The following PHRF1 variants were observed in gnomAD, a reference collection of about 807,000 sequenced individuals.
PHRF1 encodes the protein PHD and RING finger domain-containing protein 1.
Under a neutral mutation model 128.9 loss-of-function variants are expected in PHRF1, and 53 were observed. The ratio of observed to expected loss-of-function variants is 0.41; its 90% CI spans 0.33 to 0.52. The LOEUF is 0.52. PHRF1 is among the 20% of genes least tolerant of loss of function. The probability of loss-of-function intolerance (pLI) is 0.21; values close to 1 mark genes in which losing one functional copy is unlikely to be tolerated. For synonymous variants in PHRF1, 1,178 were observed against 980.6 expected (o/e 1.20, Z -3.76); for missense variants, 2,503 against 2,284.5 (o/e 1.10, Z -1.95).
Position 610,533 on chromosome 11 carries a change from C to G in PHRF1, c.4449C>G (p.Ala1483=). 1.9e-6 allele frequency: 3 copies of G among 1,605,430 alleles called. No individual in the cohort carries two copies. Among genetic ancestry groups the G allele is most frequent in the Non-Finnish European group, 2.5e-6 (3 of 1,179,426 alleles). The change falls in exon 16 of 18, where the codon GCC becomes GCG. Residue 1483 remains alanine, a synonymous_variant. Coordinates refer to ENST00000264555, the MANE Select transcript of PHRF1 (RefSeq NM_001286581.2). ...GCCCCGGCCTGCCGCCTGCCCCGGC[C>G]CAGCCCTCAAGCATCCCACCCTGCG... is the stretch of plus-strand genomic sequence containing the variant. The part of the protein sequence containing the change: ...VYSPGLPPAP[A]QPSSIPPCAL...
At position 608,801 on chromosome 11, in the gene PHRF1, G is replaced by C. The variant is rs772718188; in HGVS notation, c.3345G>C (p.Ala1115=). Residue 1115 remains alanine (A), a synonymous_variant, in exon 14 of 18, where the codon GCG becomes GCC. Transcript: ENST00000264555. ...GGAAGAAGAAGAAAAGGAGATCAGC[G>C]TCCAGACCTCGGGGAAGGGAGTGCT... ...ESRKKKKRRS[A]SRPRGRECSP... The C allele has an allele frequency of 6.2e-7, 1 of 1,611,910 alleles. No individual in the cohort carries two copies. Among genetic ancestry groups the C allele is most frequent in the Non-Finnish European group, 8.5e-7 (1 of 1,179,766 alleles).
chr11:582,201 A>G, intron 3 of PHRF1, 120 bp downstream of exon 3: 3 of 1,449,486 alleles, frequency 2.1e-6, no homozygotes, highest in South Asian at 1.3e-5. Flanking sequence ...CCCTGCGGTC[A>G]CCTACGGTGA....
At chr11:601,249 G>C (rs537319766) in intron 9 of PHRF1, among the ~76,000 whole-genome samples, 1 of 151,666 alleles carries the variant, frequency 6.6e-6, no homozygotes, top group Admixed American at 6.6e-5. Context: ...GCCAGCCTGG[G>C]CAACATGATA....
Position 610,913 on chromosome 11 carries a change from C to T in PHRF1, c.4678-41C>T, listed in dbSNP as rs370059231. 38 of 1,604,660 alleles carry T rather than the reference C, an allele frequency of 2.4e-5. No homozygotes were observed. The Middle Eastern group carries it at 5.0e-4, about 21-fold the overall frequency. On this transcript the variant is annotated intron_variant, in intron 16 of 17. Transcript: ENST00000264555. ...CAGTGCCTCTGGCCAGAGGGACTCCCGGCTCCCTTCCTGGCCGCATCACAC... is the reference window on the plus strand; with the variant it reads ...CAGTGCCTCTGGCCAGAGGGACTCCTGGCTCCCTTCCTGGCCGCATCACAC...
rs757190411 is a variant in PHRF1 at position 608,907 on chromosome 11, A to G, written c.3451A>G (p.Ser1151Gly). ...CCACGAGCGGCCAGACAGGAAGGAGAGTGTGGCGTGGCCCCGAGACCGGAG... is the reference window on the plus strand; with the variant it reads ...CCACGAGCGGCCAGACAGGAAGGAGGGTGTGGCGTGGCCCCGAGACCGGAG... ...RSHERPDRKE[S>G]VAWPRDRRKR... The change falls in exon 14 of 18, where the codon AGT becomes GGT. Residue 1151 changes from serine (S) to glycine (G), a missense_variant. Ser to Gly is a moderately conservative substitution (Grantham distance 56, BLOSUM62 0). Transcript: ENST00000264555. 4.3e-6 allele frequency: 7 copies of G among 1,611,496 alleles called. No homozygotes were observed. The highest frequency in any genetic ancestry group is 4.0e-5 in the African/African-American group (3 of 74,576).
chr11:589,580 G>GA (rs34115587), intron 4 of PHRF1, among the ~76,000 whole-genome samples: 94,271 of 151,590 alleles, frequency 0.62, 30,224 homozygotes, highest in East Asian at 0.93. Flanking sequence ...CACTCGGGGG[G>GA]GCAGGAGGCG....
chr11:610,198 G>GCACCAC lies in PHRF1; in HGVS notation c.4268_4273dup (p.Pro1424_Leu1425insProPro), dbSNP rs555868184. ...CTCCCTGTCTGTCGGGCCCCCAGGGGCACCACTTCACAGGCCACAGAAGCC... is the reference window on the plus strand; with the variant it reads ...CTCCCTGTCTGTCGGGCCCCCAGGGGCACCACCACCACTTCACAGGCCACAGAAGCC... On this transcript the variant is annotated inframe_insertion, in exon 15 of 18. Coordinates refer to ENST00000264555, the MANE Select transcript of PHRF1 (RefSeq NM_001286581.2). 275 of 1,513,814 alleles carry GCACCAC rather than the reference G, an allele frequency of 1.8e-4. 3 individuals are homozygous for GCACCAC. In the East Asian group the frequency reaches 6.7e-3, roughly 37 times the overall value. 93.8% of individuals were successfully genotyped at this position (1,513,814 alleles called of 1,614,324 possible).
chr11:587,351 G>A lies in PHRF1; in HGVS notation c.307G>A (p.Asp103Asn). ...AGCCGCTGGCTCTTTCAATTCTGAT[G>A]ATGATGCAGAGAGCTGCCCAATCTG... is the stretch of plus-strand genomic sequence containing the variant. ...LEAAGSFNSDDDAESCPICLN... is the reference protein window; with the variant it reads ...LEAAGSFNSDNDAESCPICLN... The change falls in exon 4 of 18, where the codon GAT becomes AAT. Residue 103 changes from aspartate (D) to asparagine (N), a missense_variant. Physicochemically the swap from Asp to Asn is conservative, Grantham distance 23 (BLOSUM62 1). Coordinates refer to ENST00000264555, the MANE Select transcript of PHRF1 (RefSeq NM_001286581.2). 6.2e-7 allele frequency: 1 copy of A among 1,613,894 alleles called. No homozygotes were observed. The highest frequency in any genetic ancestry group is 8.5e-7 in the Non-Finnish European group (1 of 1,179,910).
In PHRF1 at chr11:596,231, A is replaced by G. The variant is rs1855267068; in HGVS notation, c.621-692A>G. 7.9e-5 allele frequency among the ~76,000 whole-genome samples: 12 copies of G among 152,268 alleles called. 1 individual carries two copies. The South Asian group carries it at 2.3e-3, about 29-fold the overall frequency. The stretch of plus-strand genomic sequence containing the variant: ...GGGATGAAGTTTCAAGGATCTTTGC[A>G]TAGACTCCCGAGCCTCGGCTGCTTG... On this transcript the variant is annotated intron_variant, in intron 6 of 17. Transcript: ENST00000264555.
At position 606,308 on chromosome 11, in the gene PHRF1, A is replaced by G. The variant is rs893963272; in HGVS notation, c.1455-134A>G. The G allele has an allele frequency of 1.1e-5, 13 of 1,184,926 alleles. No homozygotes were observed. The African/African-American group carries it at 1.4e-4, about 13-fold the overall frequency. The allele number at this position is 1,184,926 out of a possible 1,614,324, so 73.4% of individuals were successfully genotyped here. A position where few individuals can be genotyped will look rare whatever the true frequency, so the allele number is the denominator to read the frequency against. On this transcript the variant is annotated intron_variant, in intron 12 of 17. Coordinates refer to ENST00000264555, the MANE Select transcript of PHRF1 (RefSeq NM_001286581.2). ...ACCTCTTAGAACAGCAGCCGGAGCC[A>G]GGGCTGTGGGGGAGGCGCAGGCCCG... is the stretch of plus-strand genomic sequence containing the variant.
chr11:582,033 G>A lies in PHRF1; in HGVS notation c.166G>A (p.Gly56Arg), dbSNP rs376068613. The A allele has an allele frequency of 3.3e-5, 53 of 1,607,364 alleles. No homozygotes were observed. Among genetic ancestry groups the A allele is most frequent in the East Asian group, 6.7e-5 (3 of 44,628 alleles). Residue 56 changes from glycine (G) to arginine (R), a missense_variant, in exon 3 of 18, where the codon GGA (glycine) becomes AGA (arginine). Coordinates refer to ENST00000264555, the MANE Select transcript of PHRF1 (RefSeq NM_001286581.2). The part of the protein sequence containing the change: ...SDSEHGDGTD[G>R]EDEGASEEED... ...CAGCGAGCATGGAGATGGCACAGACGGAGAAGACGAGGGGGCGTCTGAGGA... is the reference window on the plus strand; with the variant it reads ...CAGCGAGCATGGAGATGGCACAGACAGAGAAGACGAGGGGGCGTCTGAGGA...
intron 9 of PHRF1, among the ~76,000 whole-genome samples, chr11:599,057 A>G (rs879377038): frequency 5.9e-5 from 9 of 152,138 alleles, no homozygotes; most frequent in Non-Finnish European, 1.0e-4. Flanking sequence ...AGAGCCGTGG[A>G]CTGCACCTTG....
rs1307837040 is a variant in PHRF1 at position 601,559 on chromosome 11, AC to A, written c.1025-13del. Reference sequence around the variant, plus strand: ...CCAGCACAGAGAAGCACAGACTTCAACCTCTTTTCCTTAGGAAGACGGAAGA... The same window carrying A: ...CCAGCACAGAGAAGCACAGACTTCAACTCTTTTCCTTAGGAAGACGGAAGA... On this transcript the variant is annotated splice_polypyrimidine_tract_variant and intron_variant, in intron 9 of 17. Transcript: ENST00000264555. The A allele has an allele frequency of 6.2e-7, 1 of 1,613,504 alleles. No homozygotes were observed. The highest frequency in any genetic ancestry group is 1.1e-5 in the South Asian group (1 of 91,064).
Position 592,580 on chromosome 11 carries a change from G to A in PHRF1, c.526G>A (p.Ala176Thr), listed in dbSNP as rs764760545. Residue 176 changes from alanine to threonine, a missense_variant, in exon 6 of 18, where the codon GCG (alanine) becomes ACG (threonine). Ala to Thr is a moderately conservative substitution (Grantham distance 58). Coordinates refer to ENST00000264555, the MANE Select transcript of PHRF1 (RefSeq NM_001286581.2). ...LRKIPVENTK[A>T]SEEEEDPTFC... ...CTAGATCCCAGTGGAGAACACCAAA[G>A]CGAGCGAGGAGGAGGAGGACCCGAC... 5.0e-6 allele frequency: 8 copies of A among 1,614,072 alleles called. No individual in the cohort carries two copies. The South Asian group carries it at 7.7e-5, about 16-fold the overall frequency.
rs370612756 is a variant in PHRF1 at position 607,467 on chromosome 11, C to T, written c.2011C>T (p.Pro671Ser). 2 of 1,612,740 alleles carry T rather than the reference C, an allele frequency of 1.2e-6. No homozygotes were observed. The highest frequency in any genetic ancestry group is 2.7e-5 in the African/African-American group (2 of 74,942). The stretch of plus-strand genomic sequence containing the variant: ...GCCGGGGCCTCCCCTGAAGCCAGCG[C>T]CCAGAAGAACAGACATCTCTGAGCT... Reference protein sequence around the residue: ...VVPGPPLKPAPRRTDISELPR... With the variant: ...VVPGPPLKPASRRTDISELPR... Residue 671 changes from proline to serine, a missense_variant, in exon 14 of 18, where the codon CCC (proline) becomes TCC (serine). Pro to Ser is a moderately conservative substitution (Grantham distance 74). Coordinates refer to ENST00000264555, the MANE Select transcript of PHRF1 (RefSeq NM_001286581.2).
chr11:608,731 G>T lies in PHRF1; in HGVS notation c.3275G>T (p.Arg1092Leu), dbSNP rs1199430082. ...CACAGCCGGAGGACGTCCCGGTCGC[G>T]GTCGGGGAGCCCTGGCAGCTCTTCC... is the stretch of plus-strand genomic sequence containing the variant. ...WGHSRRTSRS[R>L]SGSPGSSSYE... Residue 1092 changes from arginine (R) to leucine (L), a missense_variant, in exon 14 of 18, where the codon CGG (arginine) becomes CTG (leucine). Physicochemically the swap from Arg to Leu is moderately radical, Grantham distance 102. Coordinates refer to ENST00000264555, the MANE Select transcript of PHRF1 (RefSeq NM_001286581.2). 6.2e-7 allele frequency: 1 copy of T among 1,611,112 alleles called. No homozygotes were observed. The highest frequency in any genetic ancestry group is 8.5e-7 in the Non-Finnish European group (1 of 1,179,406).
At chr11:598,556 G>A (rs539821257) in intron 9 of PHRF1, 54 bp downstream of exon 9, 8 of 1,560,324 alleles carry the variant, frequency 5.1e-6, no homozygotes, top group South Asian at 2.3e-5. Flanking sequence ...ACCCACGCCC[G>A]AGGTCCACTC....
chr11:596,951 C>T lies in PHRF1; in HGVS notation c.649C>T (p.Leu217Phe). Residue 217 changes from leucine to phenylalanine, a missense_variant, in exon 7 of 18, where the codon CTC becomes TTC. Physicochemically the swap from Leu to Phe is conservative, Grantham distance 22 (BLOSUM62 0). Transcript: ENST00000264555. ...CCACATGGAATGCTTGGACCCCCCTCTCCAGGAGGTGCCGGTGGACGAGTG... is the reference window on the plus strand; with the variant it reads ...CCACATGGAATGCTTGGACCCCCCTTTCCAGGAGGTGCCGGTGGACGAGTG... ...GYHMECLDPP[L>F]QEVPVDEWFC... is the part of the protein sequence containing the mutation. 1 of 1,613,930 alleles carries T rather than the reference C, an allele frequency of 6.2e-7. No homozygotes were observed. The highest frequency in any genetic ancestry group is 8.5e-7 in the Non-Finnish European group (1 of 1,179,880).
chr11:605,525 C>T (rs1855889108), intron 11 of PHRF1, 80 bp from the exon 12 acceptor site: 2 of 1,573,044 alleles, frequency 1.3e-6, no homozygotes, highest in Non-Finnish European at 1.7e-6. Context: ...CGGCCATCCT[C>T]CTCCGTGCCG....
Sources: gnomAD v4.1 joint callset for allele counts (sites outside exome capture counted in the v4.1 genomes callset) on GRCh38, gnomAD v4.1.1 for gene constraint, MANE v1.5 for transcripts, NCBI Gene and HGNC (gene_info 2026-07-23, HGNC 2026-07-21) for gene names.